Variants in FRMD6 observed in about 807,000 individuals in gnomAD.
FRMD6 encodes the protein FERM domain containing 6.
In FRMD6, 37 loss-of-function variants were observed where a neutral mutation model predicts 73.2. The ratio of observed to expected loss-of-function variants is 0.51; its 90% CI spans 0.39 to 0.66. FRMD6 has a LOEUF of 0.66. Among genes scored for constraint, FRMD6 ranks in the 30% least tolerant of loss-of-function variants. The pLI, the probability that FRMD6 is intolerant of heterozygous loss-of-function variation, is 0.00. For missense variants in FRMD6, 714 were observed against 780.5 expected (o/e 0.91, Z 1.02); for synonymous variants, 273 against 282.2 (o/e 0.97, Z 0.33).
chr14:51,400,105 T>C, the FRMD6 span, among the ~76,000 whole-genome samples: 1 of 152,018 alleles, frequency 6.6e-6, no homozygotes, highest in African/African-American at 2.4e-5. Context: ...ATATCTATCA[T>C]TTCTTTGTGG....
intron 1 of FRMD6, among the ~76,000 whole-genome samples, chr14:51,663,632 C>T (rs1160149464): frequency 6.6e-6 from 1 of 152,010 alleles, no homozygotes; most frequent in African/African-American, 2.4e-5. Context: ...GGGAGAGGAT[C>T]AGGAAAAATA....
At chr14:51,412,270 C>T in the FRMD6 span, among the ~76,000 whole-genome samples, 1 of 152,082 alleles carries the variant, frequency 6.6e-6, no homozygotes, top group African/African-American at 2.4e-5. Flanking sequence ...AAGTGTGTCT[C>T]TTGGTGAAAG....
At chr14:51,727,197 G>A (rs1160683382) in intron 13 of FRMD6, among the ~76,000 whole-genome samples, 1 of 151,456 alleles carries the variant, frequency 6.6e-6, no homozygotes, top group African/African-American at 2.4e-5. Context: ...AAGAATTCTG[G>A]CCTTTTAAAG....
At chr14:51,427,242 C>T in the FRMD6 span, among the ~76,000 whole-genome samples, 1 of 152,194 alleles carries the variant, frequency 6.6e-6, no homozygotes, top group Non-Finnish European at 1.5e-5. Flanking sequence ...TATTTATCCT[C>T]TTGTATACAA....
In FRMD6 at chr14:51,728,901, A is replaced by T. The variant is rs1051260546; in HGVS notation, c.*872A>T. 1 of 152,240 alleles carries T rather than the reference A, an allele frequency of 6.6e-6. No homozygotes were observed. The highest frequency in any genetic ancestry group is 1.5e-5 in the Non-Finnish European group (1 of 68,042). The allele number at this position is 152,240 out of a possible 1,614,324, so 9.4% of individuals were successfully genotyped here. On this transcript the variant is annotated 3_prime_UTR_variant, in exon 14 of 14. Coordinates refer to ENST00000344768, the MANE Select transcript of FRMD6 (RefSeq NM_001267046.2). ...TGGCAATGCTAGTTTCTGCTTAACCAAAATACTCTGTGTATATATTATACA... is the reference window on the plus strand; with the variant it reads ...TGGCAATGCTAGTTTCTGCTTAACCTAAATACTCTGTGTATATATTATACA...
intron 2 of FRMD6, among the ~76,000 whole-genome samples, chr14:51,623,599 C>T (rs2357113): frequency 0.14 from 20,770 of 152,224 alleles, 1,550 homozygotes; most frequent in Middle Eastern, 0.21. Context: ...TGGATGGCTC[C>T]TCATCATCCT....
chr14:51,584,492 C>A (rs564919170), intron 2 of FRMD6, among the ~76,000 whole-genome samples: 11 of 152,278 alleles, frequency 7.2e-5, no homozygotes, highest in Admixed American at 5.2e-4. Context: ...GCAATGGTAC[C>A]ACTTGGGCAT....
chr14:51,675,482 A>C (rs764946222), intron 1 of FRMD6, among the ~76,000 whole-genome samples: 3 of 152,126 alleles, frequency 2.0e-5, no homozygotes, highest in Non-Finnish European at 2.9e-5. Context: ...ATATGTTGTG[A>C]AACTATAATA....
At chr14:51,544,304 T>C (rs1158135370) in intron 1 of FRMD6, among the ~76,000 whole-genome samples, 1 of 152,080 alleles carries the variant, frequency 6.6e-6, no homozygotes, top group East Asian at 1.9e-4. Context: ...AAATTCTGTA[T>C]TATTTCTTAT....
At chr14:51,724,477 A>G (rs1211248835) in intron 12 of FRMD6, among the ~76,000 whole-genome samples, 2 of 152,222 alleles carry the variant, frequency 1.3e-5, no homozygotes, top group African/African-American at 2.4e-5. Flanking sequence ...TAGATCCTCT[A>G]CTAAAGCCAT....
At chr14:51,510,033 C>T (rs1237372769) in intron 1 of FRMD6, among the ~76,000 whole-genome samples, 1 of 152,230 alleles carries the variant, frequency 6.6e-6, no homozygotes, top group East Asian at 1.9e-4. Flanking sequence ...CACCCTAGGG[C>T]AGCCATTTTG....
chr14:51,598,662 T>C (rs1455826448), intron 2 of FRMD6, among the ~76,000 whole-genome samples: 1 of 152,140 alleles, frequency 6.6e-6, no homozygotes, highest in Non-Finnish European at 1.5e-5. Flanking sequence ...GAACATGTGG[T>C]ATTTGGTTTT....
the FRMD6 span, among the ~76,000 whole-genome samples, chr14:51,482,671 G>C: frequency 1.8e-5 from 1 of 56,740 alleles, no homozygotes; most frequent in Non-Finnish European, 3.5e-5. Flanking sequence ...AACTTTGCAG[G>C]AACTGTGTGT....
chr14:51,409,555 A>C, the FRMD6 span, among the ~76,000 whole-genome samples: 1 of 152,166 alleles, frequency 6.6e-6, no homozygotes, highest in Non-Finnish European at 1.5e-5. Flanking sequence ...GCAAATGCCC[A>C]TGCTTAAAAG....
intron 2 of FRMD6, among the ~76,000 whole-genome samples, chr14:51,587,889 G>A (rs1889147173): frequency 6.6e-6 from 1 of 151,994 alleles, no homozygotes; most frequent in African/African-American, 2.4e-5. Flanking sequence ...TCACTGTTCT[G>A]TGCATTCAAT....
At chr14:51,484,538 G>T (rs4578551), upstream of FRMD6, among the ~76,000 whole-genome samples, 78,631 of 151,950 alleles carry the variant, frequency 0.52, 20,640 homozygotes, top group South Asian at 0.68. Flanking sequence ...ACCCAGTGGA[G>T]ACAGGGCCCT....
the FRMD6 span, among the ~76,000 whole-genome samples, chr14:51,417,455 T>C: frequency 6.6e-6 from 1 of 152,236 alleles, no homozygotes; most frequent in African/African-American, 2.4e-5. Flanking sequence ...AAAATTCTTT[T>C]CTTTAAGAAT....
the FRMD6 span, among the ~76,000 whole-genome samples, chr14:51,457,537 C>T: frequency 6.6e-6 from 1 of 152,134 alleles, no homozygotes; most frequent in Admixed American, 6.5e-5. Flanking sequence ...AGAGAAATGT[C>T]CCCCATTTTT....
chr14:51,548,756 A>C (rs17124159), intron 1 of FRMD6, among the ~76,000 whole-genome samples: 2,423 of 152,258 alleles, frequency 0.016, 66 homozygotes, highest in African/African-American at 0.055. Context: ...CCTGGAATTT[A>C]AGAGGAATAA....
Sources: gnomAD v4.1 joint callset for allele counts (sites outside exome capture counted in the v4.1 genomes callset) on GRCh38, gnomAD v4.1.1 for gene constraint, MANE v1.5 for transcripts, NCBI Gene and HGNC (gene_info 2026-07-23, HGNC 2026-07-21) for gene names.